The following ALCAM variants were observed in gnomAD, a reference collection of about 807,000 sequenced individuals.
ALCAM encodes activated leukocyte cell adhesion molecule.
A neutral mutation model predicts 70.9 loss-of-function variants in ALCAM; 30 were observed. The ratio of observed to expected loss-of-function variants is 0.42; its 90% CI spans 0.32 to 0.57. The LOEUF (loss-of-function observed/expected upper bound fraction) is 0.57. Among genes scored for constraint, ALCAM ranks in the 20% least tolerant of loss-of-function variants. ALCAM has a pLI of 0.11. For missense variants in ALCAM, 591 were observed against 695.1 expected, an observed-to-expected ratio of 0.85 and a Z score of 1.68; for synonymous variants, 249 against 242.5, an observed-to-expected ratio of 1.03 and a Z score of -0.25.
chr3:105,400,396 T>TATGA (rs1347433620), intron 1 of ALCAM, among the ~76,000 whole-genome samples: 1 of 152,160 alleles, frequency 6.6e-6, no homozygotes, highest in Non-Finnish European at 1.5e-5. Context: ...TTTTTGCAGG[T>TATGA]ATGAAATATT....
At chr3:105,505,582 C>T (rs1203316108) in intron 1 of ALCAM, among the ~76,000 whole-genome samples, 1 of 152,112 alleles carries the variant, frequency 6.6e-6, no homozygotes, top group Non-Finnish European at 1.5e-5. Context: ...ACATTTTAGC[C>T]AATCAATAGC....
At chr3:105,570,639 C>T (rs538325010) in intron 14 of ALCAM, among the ~76,000 whole-genome samples, 7 of 152,232 alleles carry the variant, frequency 4.6e-5, no homozygotes, top group South Asian at 2.1e-4. Context: ...TAGCAATCAC[C>T]GGTAAAATAA....
chr3:105,454,296 C>T (rs1243399975), intron 1 of ALCAM, among the ~76,000 whole-genome samples: 3 of 152,130 alleles, frequency 2.0e-5, no homozygotes, highest in African/African-American at 7.2e-5. Context: ...AGGTAGGTCT[C>T]ATTTAGTGGC....
At chr3:105,442,923 G>A (rs1559793028) in intron 1 of ALCAM, among the ~76,000 whole-genome samples, 1 of 152,150 alleles carries the variant, frequency 6.6e-6, no homozygotes, top group Non-Finnish European at 1.5e-5. Flanking sequence ...TTGAACTCCT[G>A]GGCTAAAGGG....
intron 1 of ALCAM, among the ~76,000 whole-genome samples, chr3:105,392,308 A>G (rs1177108230): frequency 1.3e-5 from 2 of 151,788 alleles, no homozygotes; most frequent in South Asian, 2.1e-4. Flanking sequence ...GGGGTGGTGT[A>G]TGTATCCAAG....
At chr3:105,400,812 C>T (rs576384718) in intron 1 of ALCAM, among the ~76,000 whole-genome samples, 25 of 152,270 alleles carry the variant, frequency 1.6e-4, no homozygotes, top group Admixed American at 4.6e-4. Flanking sequence ...TAGATTTCTA[C>T]TCAGTTACCA....
chr3:105,467,180 C>G (rs1324488088), intron 1 of ALCAM, among the ~76,000 whole-genome samples: 1 of 151,194 alleles, frequency 6.6e-6, no homozygotes, highest in Non-Finnish European at 1.5e-5. Context: ...CTAGAAACCT[C>G]TCTGGAATAT....
intron 1 of ALCAM, among the ~76,000 whole-genome samples, chr3:105,374,278 A>T (rs1297189992): frequency 6.6e-6 from 1 of 152,076 alleles, no homozygotes; most frequent in Admixed American, 6.6e-5. Context: ...TTCTGGGGCC[A>T]GGCTCAGTGG....
chr3:105,372,867 C>A (rs974982447), intron 1 of ALCAM, among the ~76,000 whole-genome samples: 3 of 152,238 alleles, frequency 2.0e-5, no homozygotes, highest in Admixed American at 2.0e-4. Flanking sequence ...TAAACCTTTG[C>A]AATCTTCTCA....
intron 1 of ALCAM, among the ~76,000 whole-genome samples, chr3:105,430,122 TA>T (rs767306880): frequency 9.2e-5 from 14 of 152,010 alleles, no homozygotes; most frequent in Non-Finnish European, 1.6e-4. Flanking sequence ...AATTTTGGAA[TA>T]TTTTTAAATG....
chr3:105,525,358 A>G (rs1232493710), intron 3 of ALCAM: 1 of 980,494 alleles, frequency 1.0e-6, no homozygotes, highest in Non-Finnish European at 1.2e-6. Flanking sequence ...AGAAGTTATA[A>G]TTAAAGTATT....
In ALCAM at chr3:105,367,037, A is replaced by C; in HGVS notation, c.-372A>C. The stretch of plus-strand genomic sequence containing the variant: ...CACCTGGCGTTTCATGCACATTGCC[A>C]CTGCCATTATTATTATCATTCCAAT... On this transcript the variant is annotated 5_prime_UTR_variant, in exon 1 of 16. Coordinates refer to ENST00000306107, the MANE Select transcript of ALCAM (RefSeq NM_001627.4). 1 of 179,294 alleles carries C rather than the reference A, an allele frequency of 5.6e-6. No homozygotes were observed. Among genetic ancestry groups the C allele is most frequent in the Non-Finnish European group, 1.2e-5 (1 of 82,946 alleles). 11.1% of individuals were successfully genotyped at this position (179,294 alleles called of 1,614,324 possible).
In ALCAM at chr3:105,428,270, A is replaced by G. The variant is rs114622949; in HGVS notation, c.73+60789A>G. Among the ~76,000 whole-genome samples, 441 of 152,088 alleles carry G rather than the reference A, an allele frequency of 2.9e-3. 1 individual carries two copies. Among genetic ancestry groups the G allele is most frequent in the Non-Finnish European group, 4.7e-3 (322 of 67,918 alleles). On this transcript the variant is annotated intron_variant, in intron 1 of 15. Transcript: ENST00000306107. ...ACAGAACAGTGATCCTCATAAGTTT[A>G]AACAGACTGGAAACAATAAAGCCTA...
intron 1 of ALCAM, among the ~76,000 whole-genome samples, chr3:105,393,309 A>T (rs1935868563): frequency 6.9e-6 from 1 of 145,126 alleles, no homozygotes; most frequent in South Asian, 2.1e-4. Context: ...GATATCTACT[A>T]AAAAAAAAAT....
chr3:105,367,625 C>T (rs996228969), intron 1 of ALCAM, 144 bp downstream of exon 1: 14 of 932,948 alleles, frequency 1.5e-5, no homozygotes, highest in Non-Finnish European at 1.9e-5. Context: ...ACAGAGCTGT[C>T]CCCGGGCTCG....
chr3:105,455,580 A>T (rs2053307), intron 1 of ALCAM, among the ~76,000 whole-genome samples: 82,030 of 151,984 alleles, frequency 0.54, 22,860 homozygotes, highest in East Asian at 0.89. Flanking sequence ...GCAGGACTCA[A>T]CTCTGGAGGT....
chr3:105,434,126 T>A (rs1449944500), intron 1 of ALCAM, among the ~76,000 whole-genome samples: 1 of 152,200 alleles, frequency 6.6e-6, no homozygotes, highest in African/African-American at 2.4e-5. Flanking sequence ...AAATATTGTC[T>A]ATTCTCCATA....
intron 1 of ALCAM, among the ~76,000 whole-genome samples, chr3:105,506,255 G>A (rs1305326664): frequency 1.3e-5 from 2 of 152,290 alleles, no homozygotes; most frequent in East Asian, 3.9e-4. Flanking sequence ...ATTGATTCTA[G>A]GGGTGGTGTT....
At chr3:105,464,123 A>G (rs1937649373) in intron 1 of ALCAM, among the ~76,000 whole-genome samples, 1 of 151,354 alleles carries the variant, frequency 6.6e-6, no homozygotes, top group Non-Finnish European at 1.5e-5. Flanking sequence ...TAGCTAGTCA[A>G]ATGCATTTTT....
Sources: allele counts gnomAD v4.1 joint callset (sites outside exome capture counted in the v4.1 genomes callset), GRCh38; gene constraint gnomAD v4.1.1; transcripts MANE v1.5; gene names NCBI Gene and HGNC (gene_info 2026-07-23, HGNC 2026-07-21).